Variants in STK33 observed in about 807,000 individuals in gnomAD.
STK33 encodes the protein serine/threonine-protein kinase 33.
A neutral mutation model predicts 58.0 loss-of-function variants in STK33; 52 were observed. The observed-to-expected ratio is 0.90, with a 90% CI of 0.72 to 1.13. The LOEUF is 1.13. STK33 is among the 50% of genes most tolerant of loss of function. The pLI is 0.00. For synonymous variants in STK33, 215 were observed against 200.1 expected (o/e 1.07, Z -0.63); for missense variants, 630 against 604.2 (o/e 1.04, Z -0.45).
chr11:8,579,106 T>C (rs1340898183), intron 1 of STK33, among the ~76,000 whole-genome samples: 1 of 152,086 alleles, frequency 6.6e-6, no homozygotes, highest in East Asian at 1.9e-4. Flanking sequence ...AAAATTTTGC[T>C]AGTTCTTTTA....
chr11:8,364,743 A>T, the STK33 span, among the ~76,000 whole-genome samples: 1 of 152,208 alleles, frequency 6.6e-6, no homozygotes, highest in Non-Finnish European at 1.5e-5. Flanking sequence ...ATTGCTGTGT[A>T]CTACTTCATT....
At chr11:8,452,203 GA>G (rs200192448) in intron 11 of STK33, among the ~76,000 whole-genome samples, 38 of 148,436 alleles carry the variant, frequency 2.6e-4, no homozygotes, top group East Asian at 4.0e-4. Context: ...ACTCCGTTTC[GA>G]AAAAAAAAGC....
At chr11:8,347,489 C>T in the STK33 span, among the ~76,000 whole-genome samples, 1 of 152,254 alleles carries the variant, frequency 6.6e-6, no homozygotes, top group African/African-American at 2.4e-5. Flanking sequence ...CAGTGGTGGG[C>T]TCTGTTCCCT....
intron 1 of STK33, among the ~76,000 whole-genome samples, chr11:8,556,184 A>C (rs1283051376): frequency 6.6e-6 from 1 of 152,200 alleles, no homozygotes; most frequent in Non-Finnish European, 1.5e-5. Flanking sequence ...GGGCCTGACC[A>C]TAAGGCTAAG....
chr11:8,567,164 T>C (rs1957508271), intron 1 of STK33: 1 of 151,990 alleles, frequency 6.6e-6, no homozygotes, highest in Non-Finnish European at 1.5e-5. Flanking sequence ...AATAACAATG[T>C]TTAAAACATT....
downstream of STK33, among the ~76,000 whole-genome samples, chr11:8,389,049 C>T (rs1325317055): frequency 7.2e-6 from 1 of 139,860 alleles, no homozygotes; most frequent in African/African-American, 2.5e-5. Context: ...AGGGTCTCCA[C>T]CACTTGAGTT....
At chr11:8,387,292 TA>T (rs1431482361), downstream of STK33, among the ~76,000 whole-genome samples, 2 of 152,122 alleles carry the variant, frequency 1.3e-5, no homozygotes, top group Non-Finnish European at 2.9e-5. Context: ...AGCTTAGGCC[TA>T]AAGAGTAGGG....
the STK33 span, among the ~76,000 whole-genome samples, chr11:8,377,601 G>A: frequency 8.5e-5 from 13 of 152,140 alleles, no homozygotes; most frequent in Non-Finnish European, 1.9e-4. Context: ...ATTCAATATA[G>A]TACTGGAAGT....
chr11:8,395,274 G>A (rs540738764), intron 15 of STK33, among the ~76,000 whole-genome samples: 4 of 152,276 alleles, frequency 2.6e-5, no homozygotes, highest in East Asian at 1.9e-4. Context: ...TTCCTGTGCT[G>A]TTCTCATGAC....
At chr11:8,499,851 AT>A (rs1307587770) in intron 1 of STK33, among the ~76,000 whole-genome samples, 3 of 152,132 alleles carry the variant, frequency 2.0e-5, no homozygotes, top group Non-Finnish European at 4.4e-5. Context: ...GTTCTCACTC[AT>A]AAGTGGGAGT....
intron 11 of STK33, among the ~76,000 whole-genome samples, chr11:8,446,460 G>A (rs1271623897): frequency 6.6e-6 from 1 of 151,732 alleles, no homozygotes; most frequent in African/African-American, 2.4e-5. Context: ...CTTTTAATTG[G>A]GATGTTAGGG....
chr11:8,574,717 G>C (rs1329179101), intron 1 of STK33, among the ~76,000 whole-genome samples: 3 of 152,032 alleles, frequency 2.0e-5, no homozygotes, highest in Admixed American at 2.0e-4. Context: ...TTAAGAAAAT[G>C]TTAGCAAACT....
In STK33 at chr11:8,469,198, C is replaced by A. The variant is rs185383948; in HGVS notation, c.339+3965G>T. Among the ~76,000 whole-genome samples, 160 of 152,302 alleles carry A rather than the reference C, an allele frequency of 1.1e-3. 1 individual carries two copies. Among genetic ancestry groups the A allele is most frequent in the African/African-American group, 3.6e-3 (150 of 41,578 alleles). ...CTGTTTGATAGCATTTTACTCACAGCAGAACTTCTTTCAAAACTGAAGTTA... is the reference window on the plus strand; with the variant it reads ...CTGTTTGATAGCATTTTACTCACAGAAGAACTTCTTTCAAAACTGAAGTTA... On this transcript the variant is annotated intron_variant, in intron 6 of 15. Coordinates refer to ENST00000687296, the MANE Select transcript of STK33 (RefSeq NM_001352389.2).
At chr11:8,384,834 C>G in the STK33 span, among the ~76,000 whole-genome samples, 3 of 152,180 alleles carry the variant, frequency 2.0e-5, no homozygotes, top group Non-Finnish European at 1.5e-5. Flanking sequence ...CATTTGGGGC[C>G]ACTACCGGAC....
chr11:8,344,447 C>T, the STK33 span, among the ~76,000 whole-genome samples: 1 of 152,172 alleles, frequency 6.6e-6, no homozygotes, highest in Non-Finnish European at 1.5e-5. Flanking sequence ...CAATATTAGT[C>T]CAAGAGCTTT....
Position 8,473,207 on chromosome 11 carries a change from CTTCT to C in STK33, c.291_294del (p.Gly99LysfsTer5). ...TCAATCCTTATGTGAGGAACTTTTCCTTCTGTAAAGTTGCCCCGACCCCATTGTT... is the reference window on the plus strand; with the variant it reads ...TCAATCCTTATGTGAGGAACTTTTCCGTAAAGTTGCCCCGACCCCATTGTT... On this transcript the variant is annotated frameshift_variant, in exon 6 of 16. Transcript: ENST00000687296. LOFTEE classifies it high-confidence loss of function. The C allele has an allele frequency of 6.2e-7, 1 of 1,612,992 alleles. No homozygotes were observed. Among genetic ancestry groups the C allele is most frequent in the Non-Finnish European group, 8.5e-7 (1 of 1,179,590 alleles).
chr11:8,553,732 G>A (rs1011339784), intron 1 of STK33, among the ~76,000 whole-genome samples: 2 of 151,708 alleles, frequency 1.3e-5, no homozygotes, highest in East Asian at 1.9e-4. Flanking sequence ...AAATGGTGCT[G>A]GAAAAAATGA....
chr11:8,498,220 CAAGT>C (rs1296730633), intron 1 of STK33, among the ~76,000 whole-genome samples: 1 of 152,118 alleles, frequency 6.6e-6, no homozygotes, highest in East Asian at 1.9e-4. Flanking sequence ...ACTCAGCAAA[CAAGT>C]AATAGTGGGG....
intron 8 of STK33, 64 bp from the exon 9 acceptor site, chr11:8,457,543 A>G (rs1947021415): frequency 1.6e-6 from 2 of 1,290,282 alleles, no homozygotes; most frequent in Non-Finnish European, 1.1e-6. Context: ...TTAAAATGTT[A>G]TATATCACAT....
Sources: gnomAD v4.1 joint callset for allele counts (sites outside exome capture counted in the v4.1 genomes callset) on GRCh38, gnomAD v4.1.1 for gene constraint, MANE v1.5 for transcripts, NCBI Gene and HGNC (gene_info 2026-07-23, HGNC 2026-07-21) for gene names.